Variants in CLSTN1 observed in about 807,000 individuals in gnomAD.
CLSTN1 encodes the protein calsyntenin 1.
CLSTN1 carries 28 observed loss-of-function variants against 108.3 expected under a neutral mutation model. The ratio of observed to expected loss-of-function variants is 0.26; its 90% CI spans 0.19 to 0.35. CLSTN1 has a LOEUF of 0.35. Ranked by LOEUF, CLSTN1 falls within the 10% of genes least tolerant of loss-of-function variation. The pLI is 1.00. For missense variants in CLSTN1, 1,157 were observed against 1,302.6 expected, an observed-to-expected ratio of 0.89 and a Z score of 1.72; for synonymous variants, 524 against 534.9, an observed-to-expected ratio of 0.98 and a Z score of 0.28.
intron 16 of CLSTN1, among the ~76,000 whole-genome samples, chr1:9,732,491 G>A (rs371247398): frequency 1.9e-4 from 29 of 152,330 alleles, no homozygotes; most frequent in African/African-American, 5.1e-4. Context: ...AATCACAGCC[G>A]TGTGAAAGAC....
intron 9 of CLSTN1, among the ~76,000 whole-genome samples, chr1:9,742,582 T>G (rs2101092066): frequency 6.6e-6 from 1 of 152,330 alleles, no homozygotes; most frequent in South Asian, 2.1e-4. Context: ...AATGTCCACC[T>G]ATGTTGCAAA....
rs1651563468 is a variant in CLSTN1 at position 9,751,622 on chromosome 1, T to C, written c.500A>G (p.Lys167Arg). The C allele has an allele frequency of 1.2e-6, 2 of 1,614,080 alleles. No individual in the cohort carries two copies. Among genetic ancestry groups the C allele is most frequent in the African/African-American group, 2.7e-5 (2 of 74,924 alleles). ...CTCGATGACCGTGGCTTTGTAGGAC[T>C]TCTCCTTGAACACGGGCGCGTACTC... ...VNEYAPVFKE[K>R]SYKATVIEGK... Residue 167 changes from lysine to arginine, a missense_variant, in exon 5 of 19, where the codon AAG (lysine) becomes AGG (arginine). By Grantham distance (26) the Lys-to-Arg change is conservative. Coordinates refer to ENST00000377298, the MANE Select transcript of CLSTN1 (RefSeq NM_001009566.3).
rs1249830444 is a variant in CLSTN1 at position 9,729,556 on chromosome 1, G to GTCA, written c.*949_*951dup. ...CCTCCTGCCGTCTCCAAAAGGAGTGGTCAGCCGGTCTGCAGGACACCTCTC... is the reference window on the plus strand; with the variant it reads ...CCTCCTGCCGTCTCCAAAAGGAGTGGTCATCAGCCGGTCTGCAGGACACCTCTC... On this transcript the variant is annotated 3_prime_UTR_variant, in exon 19 of 19. Coordinates refer to ENST00000377298, the MANE Select transcript of CLSTN1 (RefSeq NM_001009566.3). 7 of 152,656 alleles carry GTCA rather than the reference G, an allele frequency of 4.6e-5. No homozygotes were observed. Among genetic ancestry groups the GTCA allele is most frequent in the African/African-American group, 1.4e-4 (6 of 41,448 alleles). 9.5% of individuals were successfully genotyped at this position (152,656 alleles called of 1,614,324 possible).
chr1:9,737,258 T>TG (rs34403180), intron 11 of CLSTN1, among the ~76,000 whole-genome samples: 9 of 151,564 alleles, frequency 5.9e-5, no homozygotes, highest in South Asian at 4.2e-4. Flanking sequence ...TCAAACTGGA[T>TG]GGGGGGGGAA....
At chr1:9,744,730 T>A (rs1010325537) in intron 7 of CLSTN1, 87 bp from the exon 8 acceptor site, 1 of 1,408,924 alleles carries the variant, frequency 7.1e-7, no homozygotes, top group African/African-American at 1.5e-5. Flanking sequence ...TGTCTTACAC[T>A]TAGGCAATCT....
chr1:9,796,160 G>A (rs2101246748), intron 1 of CLSTN1, among the ~76,000 whole-genome samples: 1 of 150,778 alleles, frequency 6.6e-6, no homozygotes, highest in South Asian at 2.2e-4. Context: ...TACTCGGGGG[G>A]CTGAAGCAGG....
At chr1:9,788,692 C>T (rs1470415565) in intron 1 of CLSTN1, among the ~76,000 whole-genome samples, 1 of 150,982 alleles carries the variant, frequency 6.6e-6, no homozygotes, top group Non-Finnish European at 1.5e-5. Flanking sequence ...ACTTTGAAAC[C>T]CCATCTCTAC....
chr1:9,819,311 C>CT (rs559869408), intron 1 of CLSTN1, among the ~76,000 whole-genome samples: 17 of 152,176 alleles, frequency 1.1e-4, no homozygotes, highest in Admixed American at 9.8e-4. Flanking sequence ...TAACTCAGTA[C>CT]TTTTTTTCCT....
rs1651729187 is a variant in CLSTN1, at chr1:9,754,758, G to A, written c.440+356C>T. 2.6e-5 allele frequency among the ~76,000 whole-genome samples: 4 copies of A among 152,170 alleles called. No homozygotes were observed. In the South Asian group the frequency reaches 8.3e-4, roughly 32 times the overall value. On this transcript the variant is annotated intron_variant, in intron 4 of 18. Coordinates refer to ENST00000377298, the MANE Select transcript of CLSTN1 (RefSeq NM_001009566.3). ...TAATCCCAGCTATGTGGGAGGTTGA[G>A]GCAGGAGAATCGCTTGAACCCAGGA... is the stretch of plus-strand genomic sequence containing the variant.
intron 7 of CLSTN1, among the ~76,000 whole-genome samples, chr1:9,746,110 C>T (rs1411169553): frequency 1.3e-5 from 2 of 152,110 alleles, no homozygotes; most frequent in African/African-American, 4.8e-5. Flanking sequence ...ACCTACTGAC[C>T]AGCCTCCCAG....
At chr1:9,731,685 G>T in intron 17 of CLSTN1, 76 bp downstream of exon 17, 1 of 1,429,732 alleles carries the variant, frequency 7.0e-7, no homozygotes, top group Non-Finnish European at 9.9e-7. Flanking sequence ...TGAGCAGGAG[G>T]CTGTGCCCAC....
intron 12 of CLSTN1, 132 bp from the exon 13 acceptor site, chr1:9,735,747 T>G (rs549048328): frequency 2.7e-6 from 4 of 1,500,544 alleles, no homozygotes; most frequent in Admixed American, 1.9e-5. Context: ...AAAAGCTCGT[T>G]TAAGTCCAGT....
intron 1 of CLSTN1, among the ~76,000 whole-genome samples, chr1:9,785,735 TCACTTGTA>T (rs1653456903): frequency 6.6e-6 from 1 of 151,508 alleles, no homozygotes; most frequent in Non-Finnish European, 1.5e-5. Flanking sequence ...TACATGAAAA[TCACTTGTA>T]CACTTTAAAA....
chr1:9,751,703 A>G (rs1557698533), intron 4 of CLSTN1, 22 bp from the exon 5 acceptor site: 1 of 1,605,292 alleles, frequency 6.2e-7, no homozygotes, highest in South Asian at 1.1e-5. Flanking sequence ...GAGGGAGAAA[A>G]ATATTTTTCT....
At chr1:9,735,419 C>T in intron 13 of CLSTN1, 48 bp downstream of exon 13, 1 of 1,613,172 alleles carries the variant, frequency 6.2e-7, no homozygotes, top group Non-Finnish European at 8.5e-7. Context: ...CCTAAATATA[C>T]AAGTGTCATT....
Position 9,823,680 on chromosome 1 carries a change from G to T in CLSTN1, c.54C>A (p.Ala18=), listed in dbSNP as rs1293561167. 1.0e-5 allele frequency: 12 copies of T among 1,170,280 alleles called. No individual in the cohort carries two copies. Among genetic ancestry groups the T allele is most frequent in the South Asian group, 4.2e-5 (1 of 23,806 alleles). 72.5% of individuals were successfully genotyped at this position (1,170,280 alleles called of 1,614,324 possible). ...ALAPAARLLL[A]GLLCGGGVWA... ...AGACCCCGCCGCCGCACAGCAGCCCGGCCAGCAGCAGCCGGGCGGCCGGGG... is the reference window on the plus strand; with the variant it reads ...AGACCCCGCCGCCGCACAGCAGCCCTGCCAGCAGCAGCCGGGCGGCCGGGG... The change falls in exon 1 of 19, where the codon GCC becomes GCA. Residue 18 remains alanine (A), a synonymous_variant. Transcript: ENST00000377298. The surrounding 1 kb of genome is among the most constrained non-coding windows in gnomAD (Gnocchi z 6.3).
chr1:9,800,595 T>C (rs973465369), intron 1 of CLSTN1, among the ~76,000 whole-genome samples: 4 of 144,216 alleles, frequency 2.8e-5, no homozygotes, highest in African/African-American at 7.7e-5. Context: ...CTGGGTGTGG[T>C]GGCAGGCGCC....
At chr1:9,739,031 T>C (rs1009626309) in intron 10 of CLSTN1, among the ~76,000 whole-genome samples, 2 of 152,150 alleles carry the variant, frequency 1.3e-5, no homozygotes, top group Non-Finnish European at 2.9e-5. Context: ...TAATTAATGA[T>C]GATGATACCT....
rs1650572438 is a variant in CLSTN1, at chr1:9,734,421, A to G, written c.2111-279T>C. 6.6e-6 allele frequency among the ~76,000 whole-genome samples: 1 copy of G among 152,102 alleles called. No homozygotes were observed. The highest frequency in any genetic ancestry group is 6.6e-5 in the Admixed American group (1 of 15,264). On this transcript the variant is annotated intron_variant, in intron 14 of 18. Coordinates refer to ENST00000377298, the MANE Select transcript of CLSTN1 (RefSeq NM_001009566.3). This position sits in a 1 kb window ranked among gnomAD's most constrained non-coding sequence, Gnocchi z 4.8. The stretch of plus-strand genomic sequence containing the variant: ...GAAAGCCCGTCTCTACTAAAAATAC[A>G]AAAATTAACCGGGCGTTGTGGCAGG...
Sources: gnomAD v4.1 joint callset for allele counts (sites outside exome capture counted in the v4.1 genomes callset) on GRCh38, gnomAD v4.1.1 for gene constraint, Gnocchi (gnomAD v3.1) non-coding constraint, MANE v1.5 for transcripts, NCBI Gene and HGNC (gene_info 2026-07-23, HGNC 2026-07-21) for gene names.